KANSL1L: variants seen among roughly 807,000 people sequenced by gnomAD.
KANSL1L encodes KAT8 regulatory NSL complex subunit 1 like.
KANSL1L carries 25 observed loss-of-function variants against 108.6 expected under a neutral mutation model. The observed-to-expected ratio is 0.23, with a 90% CI of 0.17 to 0.32. The LOEUF (loss-of-function observed/expected upper bound fraction) is 0.32, where lower values mean the gene tolerates loss of function less well. KANSL1L is among the 10% of genes least tolerant of loss of function. The probability of loss-of-function intolerance (pLI) is 1.00; values close to 1 mark genes in which losing one functional copy is unlikely to be tolerated. For missense variants in KANSL1L, 1,137 were observed against 1,125.7 expected, an observed-to-expected ratio of 1.01 and a Z score of -0.14; for synonymous variants, 405 against 395.1, an observed-to-expected ratio of 1.03 and a Z score of -0.30.
Position 210,074,030 on chromosome 2 carries a change from C to T in KANSL1L, c.1755+1522G>A, listed in dbSNP as rs1002548197. 3.3e-5 allele frequency among the ~76,000 whole-genome samples: 5 copies of T among 152,034 alleles called. No individual in the cohort carries two copies. The South Asian group carries it at 1.0e-3, about 32-fold the overall frequency. On this transcript the variant is annotated intron_variant, in intron 6 of 14. Coordinates refer to ENST00000281772, the MANE Select transcript of KANSL1L (RefSeq NM_152519.4). Reference sequence around the variant, plus strand: ...TGATTATAAAATAGTATAATAAATTCCAGCTCAGCAAGGTTAAAACAGGGT... The same window carrying T: ...TGATTATAAAATAGTATAATAAATTTCAGCTCAGCAAGGTTAAAACAGGGT...
In KANSL1L at chr2:210,112,132, G is replaced by A. The variant is rs372054146; in HGVS notation, c.1231-7831C>T. Among the ~76,000 whole-genome samples the A allele has an allele frequency of 7.9e-5, 12 of 152,140 alleles. No individual in the cohort carries two copies. The South Asian group carries it at 1.7e-3, about 21-fold the overall frequency. On this transcript the variant is annotated intron_variant, in intron 3 of 14. Coordinates refer to ENST00000281772, the MANE Select transcript of KANSL1L (RefSeq NM_152519.4). ...TCACATTTTCTTAATCCAGACTATC[G>A]TTGTTGGACATTTAGGTTGGTTCCA... is the stretch of plus-strand genomic sequence containing the variant.
intron 1 of KANSL1L, among the ~76,000 whole-genome samples, chr2:210,155,015 T>C (rs1182506859): frequency 1.3e-5 from 2 of 152,174 alleles, no homozygotes; most frequent in Admixed American, 1.3e-4. Flanking sequence ...CTTATCTTTA[T>C]AAAATATAAT....
At chr2:210,133,053 T>C (rs945512786) in intron 2 of KANSL1L, among the ~76,000 whole-genome samples, 2 of 152,172 alleles carry the variant, frequency 1.3e-5, no homozygotes, top group African/African-American at 4.8e-5. Context: ...GCGATTAGCC[T>C]ATTTAGCTTA....
chr2:210,043,834 G>T, intron 7 of KANSL1L, 105 bp downstream of exon 7: 1 of 797,804 alleles, frequency 1.3e-6, no homozygotes, highest in Non-Finnish European at 1.9e-6. Flanking sequence ...AATATCTACT[G>T]AAAAAAAATT....
chr2:210,038,582 C>A (rs1331712798), intron 8 of KANSL1L, among the ~76,000 whole-genome samples: 2 of 151,854 alleles, frequency 1.3e-5, no homozygotes, highest in Non-Finnish European at 2.9e-5. Context: ...CTTACTTTTT[C>A]TTGTTATTCT....
intron 3 of KANSL1L, among the ~76,000 whole-genome samples, chr2:210,110,874 A>G (rs2192323): frequency 0.98 from 149,430 of 152,284 alleles, 73,374 homozygotes; most frequent in Middle Eastern, 1. Context: ...GAGGCTAAGA[A>G]GCTGAGGCAG....
chr2:210,063,113 C>T (rs1322218468), intron 6 of KANSL1L, among the ~76,000 whole-genome samples: 1 of 152,214 alleles, frequency 6.6e-6, no homozygotes, highest in African/African-American at 2.4e-5. Flanking sequence ...CTGCTCCAGT[C>T]ATGGCTGAAA....
intron 5 of KANSL1L, among the ~76,000 whole-genome samples, chr2:210,094,562 T>C (rs1235224678): frequency 6.6e-6 from 1 of 152,120 alleles, no homozygotes; most frequent in Non-Finnish European, 1.5e-5. Flanking sequence ...CCATTTCACA[T>C]TACTTCAATC....
chr2:210,162,970 G>A (rs2095369757), intron 1 of KANSL1L, among the ~76,000 whole-genome samples: 1 of 152,184 alleles, frequency 6.6e-6, no homozygotes, highest in Non-Finnish European at 1.5e-5. Flanking sequence ...CACTAGTGAA[G>A]TTCACAGCCC....
chr2:210,033,149 T>C (rs2094044709), intron 8 of KANSL1L, among the ~76,000 whole-genome samples: 1 of 152,084 alleles, frequency 6.6e-6, no homozygotes, highest in African/African-American at 2.4e-5. Flanking sequence ...GAGGGAATAG[T>C]TGAAGAAGTG....
intron 1 of KANSL1L, among the ~76,000 whole-genome samples, chr2:210,161,791 G>A (rs1445571225): frequency 1.3e-5 from 2 of 151,754 alleles, no homozygotes; most frequent in Admixed American, 6.6e-5. Flanking sequence ...ATTTTTTTAG[G>A]TATTATTTCA....
intron 2 of KANSL1L, among the ~76,000 whole-genome samples, chr2:210,141,615 G>A (rs931580984): frequency 6.6e-6 from 1 of 152,118 alleles, no homozygotes; most frequent in Admixed American, 6.5e-5. Flanking sequence ...AAGTTACTGA[G>A]TCTAAGGTAT....
At chr2:210,049,285 C>A (rs916067720) in intron 6 of KANSL1L, among the ~76,000 whole-genome samples, 3 of 151,630 alleles carry the variant, frequency 2.0e-5, no homozygotes, top group Non-Finnish European at 2.9e-5. Context: ...TCTCTTCCAC[C>A]CCCCCACCCC....
At chr2:210,170,128 A>C (rs531529387) in intron 1 of KANSL1L, 1 of 152,582 alleles carries the variant, frequency 6.6e-6, no homozygotes, top group South Asian at 2.1e-4. Flanking sequence ...TTTCCTAGTC[A>C]GAAATTGCCA....
At chr2:210,144,458 T>G (rs1432379499) in intron 2 of KANSL1L, among the ~76,000 whole-genome samples, 1 of 152,188 alleles carries the variant, frequency 6.6e-6, no homozygotes, top group East Asian at 1.9e-4. Flanking sequence ...TTAGCTCTGT[T>G]GAGGATATCC....
chr2:210,024,075 A>C lies in KANSL1L; in HGVS notation c.2691T>G (p.Cys897Trp). 6 of 1,605,840 alleles carry C rather than the reference A, an allele frequency of 3.7e-6. No individual in the cohort carries two copies. Among genetic ancestry groups the C allele is most frequent in the Non-Finnish European group, 4.3e-6 (5 of 1,176,176 alleles). The change falls in exon 14 of 15, where the codon TGT becomes TGG. Residue 897 changes from cysteine to tryptophan, a missense_variant. By Grantham distance (215) the Cys-to-Trp change is radical. Transcript: ENST00000281772. The part of the protein sequence containing the change: ...PGLPSENQDL[C>W]AYGLPSLNQS... ...GATTTAAAGAAGGTAAGCCATATGC[A>C]CACAGATCCTGGTTCTCTGAAGGAA... is the stretch of plus-strand genomic sequence containing the variant.
At chr2:210,138,182 A>G (rs1055945873) in intron 2 of KANSL1L, among the ~76,000 whole-genome samples, 6 of 152,106 alleles carry the variant, frequency 3.9e-5, no homozygotes, top group African/African-American at 1.4e-4. Context: ...ATGAAAATTT[A>G]TTTTATTTTT....
At chr2:210,079,609 T>C (rs1317809718) in intron 5 of KANSL1L, among the ~76,000 whole-genome samples, 1 of 44,748 alleles carries the variant, frequency 2.2e-5, no homozygotes, top group Non-Finnish European at 3.9e-5. Context: ...AAAATATGTA[T>C]GTGTATATAT....
intron 2 of KANSL1L, among the ~76,000 whole-genome samples, chr2:210,130,897 T>C (rs1033136693): frequency 1.3e-5 from 2 of 151,058 alleles, no homozygotes; most frequent in African/African-American, 4.9e-5. Flanking sequence ...AGCACTGCAG[T>C]AGGAAATGAA....
Sources: gnomAD v4.1 joint callset for allele counts (sites outside exome capture counted in the v4.1 genomes callset) on GRCh38, gnomAD v4.1.1 for gene constraint, MANE v1.5 for transcripts, NCBI Gene and HGNC (gene_info 2026-07-23, HGNC 2026-07-21) for gene names.